Variants in CTNND2 observed in about 807,000 individuals in gnomAD.
CTNND2 encodes catenin delta 2, also known as catenin delta-2.
Under a neutral mutation model 144.4 loss-of-function variants are expected in CTNND2, and 22 were observed. That is an observed-to-expected ratio of 0.15 (90% CI 0.11 to 0.22). The LOEUF is 0.22. CTNND2 is among the 10% of genes least tolerant of loss of function. CTNND2 has a pLI of 1.00. For missense variants in CTNND2, 1,353 were observed against 1,618.8 expected (o/e 0.84, Z 2.82); for synonymous variants, 751 against 695.6 (o/e 1.08, Z -1.25).
At chr5:11,470,974 A>AT (rs1767148023) in intron 3 of CTNND2, among the ~76,000 whole-genome samples, 1 of 98,124 alleles carries the variant, frequency 1.0e-5, no homozygotes, top group African/African-American at 5.1e-5. Flanking sequence ...ATATATATAT[A>AT]TATATATTTT....
At chr5:11,772,170 C>CTTAATTAATCTTAAT (rs2126827690) in intron 1 of CTNND2, among the ~76,000 whole-genome samples, 1 of 152,288 alleles carries the variant, frequency 6.6e-6, no homozygotes, top group East Asian at 1.9e-4. Context: ...AAGTTTTAAT[C>CTTAATTAATCTTAAT]TTAATTAATC....
intron 9 of CTNND2, among the ~76,000 whole-genome samples, chr5:11,319,670 G>A (rs1315875870): frequency 1.3e-5 from 2 of 152,062 alleles, no homozygotes; most frequent in African/African-American, 2.4e-5. Flanking sequence ...ACAGGCTCCT[G>A]CCACCACACC....
At chr5:11,296,693 TGAGGCTG>T (rs1249874915) in intron 9 of CTNND2, among the ~76,000 whole-genome samples, 1 of 152,162 alleles carries the variant, frequency 6.6e-6, no homozygotes. Flanking sequence ...GGGACAAGGA[TGAGGCTG>T]GAAACCATCA....
intron 3 of CTNND2, among the ~76,000 whole-genome samples, chr5:11,489,290 T>C (rs1769158318): frequency 6.6e-6 from 1 of 152,190 alleles, no homozygotes; most frequent in African/African-American, 2.4e-5. Context: ...ATTTCCCCAG[T>C]GGTTAACGAT....
intron 1 of CTNND2, among the ~76,000 whole-genome samples, chr5:11,737,481 C>T (rs1430158944): frequency 2.6e-5 from 4 of 152,152 alleles, no homozygotes; most frequent in East Asian, 3.9e-4. Context: ...GACAGCAGTG[C>T]GGGAAGAACA....
At chr5:11,757,712 A>C (rs1489788508) in intron 1 of CTNND2, among the ~76,000 whole-genome samples, 1 of 152,032 alleles carries the variant, frequency 6.6e-6, no homozygotes, top group Non-Finnish European at 1.5e-5. Context: ...TAAACTGTAG[A>C]GTCCGTTAGA....
intron 12 of CTNND2, among the ~76,000 whole-genome samples, chr5:11,128,741 T>TTATATATATTA (rs373453489): frequency 0.5 from 30,421 of 61,112 alleles, 7,778 homozygotes; most frequent in Non-Finnish European, 0.54. Flanking sequence ...ATATATATAT[T>TTATATATATTA]TATATATATT....
At chr5:11,566,735 G>A (rs766881583) in intron 2 of CTNND2, among the ~76,000 whole-genome samples, 10 of 152,154 alleles carry the variant, frequency 6.6e-5, no homozygotes, top group East Asian at 3.9e-4. Context: ...CCGCTAGGAC[G>A]GATGTTGCTC....
intron 18 of CTNND2, among the ~76,000 whole-genome samples, chr5:11,009,086 A>C (rs1440514958): frequency 6.6e-6 from 1 of 152,236 alleles, no homozygotes; most frequent in Non-Finnish European, 1.5e-5. Context: ...CTACAGGGGC[A>C]CAAAATTTGT....
intron 5 of CTNND2, among the ~76,000 whole-genome samples, chr5:11,407,993 G>A (rs115112951): frequency 0.013 from 1,945 of 152,106 alleles, 16 homozygotes; most frequent in Non-Finnish European, 0.018. Context: ...CCAATGGGAG[G>A]CAGGAGAAGG....
intron 2 of CTNND2, among the ~76,000 whole-genome samples, chr5:11,614,163 C>T (rs1032008008): frequency 6.6e-6 from 1 of 152,100 alleles, no homozygotes; most frequent in Non-Finnish European, 1.5e-5. Context: ...TACAATTATG[C>T]TTCTGGTTTA....
At chr5:11,770,464 G>GAAGGAAGGAAGGAAGGAA (rs201288821) in intron 1 of CTNND2, among the ~76,000 whole-genome samples, 100 of 142,978 alleles carry the variant, frequency 7.0e-4, no homozygotes, top group African/African-American at 2.6e-3. Flanking sequence ...AGGAAGGAAG[G>GAAGGAAGGAAGGAAGGAA]GGTAGGGGTA....
At chr5:11,306,322 G>T (rs1266261429) in intron 9 of CTNND2, among the ~76,000 whole-genome samples, 1 of 152,186 alleles carries the variant, frequency 6.6e-6, no homozygotes, top group Non-Finnish European at 1.5e-5. Flanking sequence ...TTAAGTATTT[G>T]CCATGTGAAT....
chr5:11,120,312 T>C lies in CTNND2; in HGVS notation c.2160-2745A>G, dbSNP rs540806047. On this transcript the variant is annotated intron_variant, in intron 12 of 21. Coordinates refer to ENST00000304623, the MANE Select transcript of CTNND2 (RefSeq NM_001332.4). ...TATAGACTTCAAGAGGGGGTTATCA[T>C]ACTGTCTGAAGGGGTGATGAGGCTC... Among the ~76,000 whole-genome samples, 54 of 149,122 alleles carry C rather than the reference T, an allele frequency of 3.6e-4. 1 individual carries two copies. The highest frequency in any genetic ancestry group is 1.3e-3 in the African/African-American group (54 of 40,636).
At chr5:11,165,505 C>T (rs1759226650) in intron 11 of CTNND2, among the ~76,000 whole-genome samples, 1 of 151,986 alleles carries the variant, frequency 6.6e-6, no homozygotes, top group South Asian at 2.1e-4. Flanking sequence ...TTTAAATTTC[C>T]CTGATGAAAA....
At chr5:11,841,969 A>C (rs1307351479) in intron 1 of CTNND2, among the ~76,000 whole-genome samples, 3 of 151,946 alleles carry the variant, frequency 2.0e-5, no homozygotes, top group Non-Finnish European at 4.4e-5. Flanking sequence ...TAATCTGATA[A>C]AGCTTTCTGG....
intron 1 of CTNND2, among the ~76,000 whole-genome samples, chr5:11,837,672 T>TTTTGTTTG (rs3036042): frequency 2.6e-5 from 4 of 151,930 alleles, no homozygotes; most frequent in African/African-American, 9.7e-5. Flanking sequence ...GGTTTGAAGG[T>TTTTGTTTG]TTTGTTTGTT....
chr5:11,098,541 C>A, intron 15 of CTNND2, 34 bp downstream of exon 15: 1 of 1,577,110 alleles, frequency 6.3e-7, no homozygotes, highest in Non-Finnish European at 8.6e-7. Flanking sequence ...CTCATAACTC[C>A]AGATTTCTTT....
chr5:11,286,603 A>T (rs1026966758), intron 9 of CTNND2, among the ~76,000 whole-genome samples: 1 of 152,210 alleles, frequency 6.6e-6, no homozygotes, highest in African/African-American at 2.4e-5. Context: ...ACAATGCTGA[A>T]CACGTGCTAA....
Sources: allele counts gnomAD v4.1 joint callset (sites outside exome capture counted in the v4.1 genomes callset), GRCh38; gene constraint gnomAD v4.1.1; transcripts MANE v1.5; gene names NCBI Gene and HGNC (gene_info 2026-07-23, HGNC 2026-07-21).